The following GLCE variants were observed in gnomAD, a reference collection of about 807,000 sequenced individuals.
The protein encoded by GLCE is glucuronic acid epimerase, also known as D-glucuronyl C5-epimerase.
A neutral mutation model predicts 47.9 loss-of-function variants in GLCE; 19 were observed. That is an observed-to-expected ratio of 0.40 (90% CI 0.28 to 0.58). The LOEUF is 0.58. Ranked by LOEUF, GLCE falls within the 20% of genes least tolerant of loss-of-function variation. The pLI, the probability that GLCE is intolerant of heterozygous loss-of-function variation, is 0.48. For missense variants in GLCE, 556 were observed against 743.3 expected (o/e 0.75, Z 2.93); for synonymous variants, 245 against 263.4 (o/e 0.93, Z 0.68).
intron 1 of GLCE, among the ~76,000 whole-genome samples, chr15:69,186,039 A>C (rs1306744579): frequency 1.3e-5 from 2 of 152,126 alleles, no homozygotes; most frequent in African/African-American, 4.8e-5. Context: ...ATACAGATGA[A>C]GCGATGCATA....
chr15:69,250,453 C>CT (rs1476987506), intron 2 of GLCE, among the ~76,000 whole-genome samples: 1 of 151,986 alleles, frequency 6.6e-6, no homozygotes, highest in Non-Finnish European at 1.5e-5. Flanking sequence ...TTTTAACTGA[C>CT]TTACATTTTT....
intron 1 of GLCE, among the ~76,000 whole-genome samples, chr15:69,206,788 TC>T (rs2052158291): frequency 6.6e-6 from 1 of 152,014 alleles, no homozygotes; most frequent in Non-Finnish European, 1.5e-5. Context: ...TGTGTTTAGA[TC>T]CATTGTCTCT....
At chr15:69,171,324 A>G (rs1420536513) in intron 1 of GLCE, among the ~76,000 whole-genome samples, 1 of 152,148 alleles carries the variant, frequency 6.6e-6, no homozygotes, top group Non-Finnish European at 1.5e-5. Flanking sequence ...TTGAGCAACA[A>G]GAGTCAGAAA....
chr15:69,265,017 G>T (rs1226186475), intron 4 of GLCE, among the ~76,000 whole-genome samples: 1 of 151,878 alleles, frequency 6.6e-6, no homozygotes, highest in African/African-American at 2.4e-5. Context: ...CCCTTGCTGT[G>T]CAAAAGCTTT....
At chr15:69,163,080 G>T (rs906153262) in intron 1 of GLCE, among the ~76,000 whole-genome samples, 1 of 152,208 alleles carries the variant, frequency 6.6e-6, no homozygotes, top group Non-Finnish European at 1.5e-5. Context: ...ATACCTGGTT[G>T]ACATTTACAG....
intron 1 of GLCE, among the ~76,000 whole-genome samples, chr15:69,170,239 A>G (rs1282271031): frequency 1.3e-5 from 2 of 152,172 alleles, no homozygotes; most frequent in Non-Finnish European, 2.9e-5. Context: ...GAAACATTGT[A>G]AATTGTTTCA....
chr15:69,197,163 A>G (rs2052006461), intron 1 of GLCE: 1 of 403,016 alleles, frequency 2.5e-6, no homozygotes, highest in African/African-American at 2.0e-5. Flanking sequence ...AATGCCTGAC[A>G]ATGCGTCGCA....
intron 1 of GLCE, among the ~76,000 whole-genome samples, chr15:69,166,036 A>G (rs1302627697): frequency 6.6e-6 from 1 of 152,182 alleles, no homozygotes; most frequent in Non-Finnish European, 1.5e-5. Context: ...GCAACTACTA[A>G]TCCTTATCTC....
At chr15:69,170,279 TAAA>T (rs1177438097) in intron 1 of GLCE, among the ~76,000 whole-genome samples, 1 of 152,158 alleles carries the variant, frequency 6.6e-6, no homozygotes, top group African/African-American at 2.4e-5. Flanking sequence ...ATATTTATAA[TAAA>T]ACAATTTTTA....
At chr15:69,215,050 A>G (rs2052285986) in intron 2 of GLCE, among the ~76,000 whole-genome samples, 1 of 152,096 alleles carries the variant, frequency 6.6e-6, no homozygotes, top group Admixed American at 6.6e-5. Flanking sequence ...TTCACATTCC[A>G]TCTTGGGTTT....
chr15:69,164,746 A>C (rs1319969615), intron 1 of GLCE, among the ~76,000 whole-genome samples: 1 of 152,112 alleles, frequency 6.6e-6, no homozygotes, highest in Non-Finnish European at 1.5e-5. Context: ...GGTACATGGC[A>C]AGTATTTAAT....
At chr15:69,229,604 A>T (rs1444982399) in intron 2 of GLCE, among the ~76,000 whole-genome samples, 2 of 152,096 alleles carry the variant, frequency 1.3e-5, no homozygotes, top group Non-Finnish European at 2.9e-5. Context: ...ATGTTATGGA[A>T]TTTTTCACAT....
Position 69,234,363 on chromosome 15 carries a change from A to G in GLCE, c.-13-21431A>G, listed in dbSNP as rs77417320. Reference sequence around the variant, plus strand: ...AGCTGAGGTGGGGATGCCGCCCCATAGAAGATGATTTTGATTTGGGAAGAA... The same window carrying G: ...AGCTGAGGTGGGGATGCCGCCCCATGGAAGATGATTTTGATTTGGGAAGAA... On this transcript the variant is annotated intron_variant, in intron 2 of 4. Transcript: ENST00000261858. Among the ~76,000 whole-genome samples, 962 of 152,130 alleles carry G rather than the reference A, an allele frequency of 6.3e-3. 10 individuals carry two copies. The highest frequency in any genetic ancestry group is 0.022 in the African/African-American group (919 of 41,498).
intron 1 of GLCE, among the ~76,000 whole-genome samples, chr15:69,182,697 GT>G (rs1034022550): frequency 2.1e-4 from 32 of 152,048 alleles, no homozygotes; most frequent in African/African-American, 7.5e-4. Context: ...TAGTGAGCTG[GT>G]ATCAGAGTGT....
At chr15:69,193,263 A>G (rs2051940189) in intron 1 of GLCE, among the ~76,000 whole-genome samples, 1 of 152,076 alleles carries the variant, frequency 6.6e-6, no homozygotes, top group Non-Finnish European at 1.5e-5. Flanking sequence ...ATAGTCTGGT[A>G]TCATAGACTT....
chr15:69,182,448 A>G (rs956747498), intron 1 of GLCE, among the ~76,000 whole-genome samples: 8 of 152,148 alleles, frequency 5.3e-5, no homozygotes, highest in African/African-American at 1.9e-4. Flanking sequence ...TCAACATAGA[A>G]TAGGCAGAAA....
intron 2 of GLCE, among the ~76,000 whole-genome samples, chr15:69,237,237 CTT>C (rs2052605195): frequency 6.6e-6 from 1 of 152,094 alleles, no homozygotes; most frequent in South Asian, 2.1e-4. Flanking sequence ...TTCTGCATTG[CTT>C]TGTGAAGTAG....
chr15:69,258,199 C>G (rs2052957490), intron 3 of GLCE, among the ~76,000 whole-genome samples: 1 of 152,014 alleles, frequency 6.6e-6, no homozygotes, highest in South Asian at 2.1e-4. Context: ...TCTATGTGTC[C>G]ATGCGTTTTC....
intron 1 of GLCE, among the ~76,000 whole-genome samples, chr15:69,190,904 T>C: frequency 6.6e-6 from 1 of 152,144 alleles, no homozygotes; most frequent in East Asian, 1.9e-4. Flanking sequence ...CTATTTTACT[T>C]GCACTATTGT....
Sources: allele counts gnomAD v4.1 joint callset (sites outside exome capture counted in the v4.1 genomes callset), GRCh38; gene constraint gnomAD v4.1.1; transcripts MANE v1.5; gene names NCBI Gene and HGNC (gene_info 2026-07-23, HGNC 2026-07-21).